SEMA5B: variants seen among roughly 807,000 people sequenced by gnomAD.
SEMA5B encodes the protein semaphorin 5B.
Under a neutral mutation model 135.0 loss-of-function variants are expected in SEMA5B, and 66 were observed. The observed-to-expected ratio is 0.49, with a 90% confidence interval of 0.40 to 0.60. The LOEUF (loss-of-function observed/expected upper bound fraction) is 0.60. Ranked by LOEUF, SEMA5B falls within the 20% of genes least tolerant of loss-of-function variation. The pLI is 0.00. For missense variants in SEMA5B, 1,501 were observed against 1,566.3 expected (o/e 0.96, Z 0.70); for synonymous variants, 690 against 639.5 (o/e 1.08, Z -1.19).
intron 12 of SEMA5B, among the ~76,000 whole-genome samples, chr3:122,921,411 C>T (rs1413672342): frequency 6.6e-6 from 1 of 152,156 alleles, no homozygotes; most frequent in Non-Finnish European, 1.5e-5. Context: ...CTCCACGTGG[C>T]GCCTCACCTC....
chr3:122,927,832 G>T lies in SEMA5B; in HGVS notation c.808C>A (p.Pro270Thr). 1 of 1,560,814 alleles carries T rather than the reference G, an allele frequency of 6.4e-7. No homozygotes were observed. The highest frequency in any genetic ancestry group is 1.7e-4 in the Middle Eastern group (1 of 5,872). ...PAIYRSLGSG[P>T]PLRTAQYNSK... ...TTATATTGGGCAGTGCGAAGCGGTGGCCCACTGCCCAGGCTGCGGTAGATG... is the reference window on the plus strand; with the variant it reads ...TTATATTGGGCAGTGCGAAGCGGTGTCCCACTGCCCAGGCTGCGGTAGATG... Residue 270 changes from proline (P) to threonine (T), a missense_variant, in exon 8 of 23, where the codon CCA becomes ACA. Around this residue, in one of 2 missense-constraint regions of SEMA5B, gnomAD observed 574 missense variants for 684.7 expected, o/e 0.84. Coordinates refer to ENST00000357599, the MANE Select transcript of SEMA5B (RefSeq NM_001031702.4).
chr3:122,954,927 G>A (rs1940216216), intron 2 of SEMA5B, among the ~76,000 whole-genome samples: 1 of 151,424 alleles, frequency 6.6e-6, no homozygotes, highest in Admixed American at 6.6e-5. Context: ...AGAGTAGCTG[G>A]GACTACAGGC....
chr3:122,977,154 TGAG>T (rs564590264), intron 1 of SEMA5B, among the ~76,000 whole-genome samples: 1 of 151,972 alleles, frequency 6.6e-6, no homozygotes, highest in Non-Finnish European at 1.5e-5. Flanking sequence ...TGCTATGAAA[TGAG>T]GAGGAGGAGG....
intron 14 of SEMA5B, among the ~76,000 whole-genome samples, chr3:122,914,412 G>T (rs1937952683): frequency 6.6e-6 from 1 of 152,142 alleles, no homozygotes; most frequent in South Asian, 2.1e-4. Context: ...TATTGCACAT[G>T]CTTTGCTCCA....
rs1408107702 is a variant in SEMA5B, at chr3:122,956,365, G to A, written c.124+4775C>T. On this transcript the variant is annotated intron_variant, in intron 2 of 22. Coordinates refer to ENST00000357599, the MANE Select transcript of SEMA5B (RefSeq NM_001031702.4). ...CACGCCCATGCACACGCCCCCTGAG[G>A]CCTCCCCACCTTGTATGGGACTTCT... Among the ~76,000 whole-genome samples the A allele has an allele frequency of 9.9e-5, 15 of 152,170 alleles. 1 individual carries two copies. Among genetic ancestry groups the A allele is most frequent in the Admixed American group, 9.8e-4 (15 of 15,278 alleles).
At chr3:122,994,232 CAG>C (rs1295903235) in intron 1 of SEMA5B, among the ~76,000 whole-genome samples, 1 of 152,062 alleles carries the variant, frequency 6.6e-6, no homozygotes, top group Admixed American at 6.6e-5. Context: ...ACCAGGACTG[CAG>C]AGAGTATAGT....
rs63373262 is a variant in SEMA5B, at chr3:122,918,993, CTTTTTTTTTTT to C, written c.1688+2911_1688+2921del. 2.5e-5 allele frequency among the ~76,000 whole-genome samples: 2 copies of C among 80,362 alleles called. 1 individual carries two copies. The highest frequency in any genetic ancestry group is 5.2e-5 in the Non-Finnish European group (2 of 38,202). The allele number at this position is 80,362 out of a possible 152,430, so 52.7% of individuals were successfully genotyped here. On this transcript the variant is annotated intron_variant, in intron 12 of 22. Transcript: ENST00000357599. ...TCAGACCAATAATATATCACCATGT[CTTTTTTTTTTT>C]TTTTTTTTTTTTTTACTGCAATGTC...
chr3:122,981,940 C>T (rs1428661351), intron 1 of SEMA5B, among the ~76,000 whole-genome samples: 2 of 152,192 alleles, frequency 1.3e-5, no homozygotes, highest in African/African-American at 4.8e-5. Context: ...GCCATGTTAC[C>T]ATGGCAGGTC....
Position 122,973,305 on chromosome 3 carries a change from G to A in SEMA5B, c.-38-12004C>T, listed in dbSNP as rs531622584. Among the ~76,000 whole-genome samples, 18 of 152,320 alleles carry A rather than the reference G, an allele frequency of 1.2e-4. 1 individual carries two copies. Among genetic ancestry groups the A allele is most frequent in the Admixed American group, 1.3e-4 (2 of 15,310 alleles). On this transcript the variant is annotated intron_variant, in intron 1 of 22. Transcript: ENST00000357599. ...TGGCCCTGGGCCTCTAGTGCCCTGAGGAGAGGCAGCCAATGAGCTGCTAAC... is the reference window on the plus strand; with the variant it reads ...TGGCCCTGGGCCTCTAGTGCCCTGAAGAGAGGCAGCCAATGAGCTGCTAAC...
At position 122,961,236 on chromosome 3, in the gene SEMA5B, C is replaced by G; in HGVS notation, c.28G>C (p.Val10Leu). Residue 10 changes from valine (V) to leucine (L), a missense_variant, in exon 2 of 23, where the codon GTT (valine) becomes CTT (leucine). Physicochemically the swap from Val to Leu is conservative, Grantham distance 32. This residue lies in a region of SEMA5B where 574 missense variants were observed against 684.7 expected (regional missense o/e 0.84). Transcript: ENST00000357599. MPCGFSPSPVAHHLVPGPPD... is the reference protein window; with the variant it reads MPCGFSPSPLAHHLVPGPPD... The stretch of plus-strand genomic sequence containing the variant: ...GGCCCAGGGACGAGGTGGTGGGCAA[C>G]AGGAGACGGACTGAAGCCACAGGGC... 1.2e-6 allele frequency: 2 copies of G among 1,614,056 alleles called. No individual in the cohort carries two copies. The highest frequency in any genetic ancestry group is 1.7e-6 in the Non-Finnish European group (2 of 1,179,962).
At chr3:122,950,167 G>T (rs1247235180) in intron 2 of SEMA5B, among the ~76,000 whole-genome samples, 1 of 152,188 alleles carries the variant, frequency 6.6e-6, no homozygotes, top group African/African-American at 2.4e-5. Flanking sequence ...CTTAAAATAT[G>T]AATGACACTT....
chr3:123,014,687 C>T (rs566958970), intron 1 of SEMA5B, among the ~76,000 whole-genome samples: 31 of 152,304 alleles, frequency 2.0e-4, no homozygotes, highest in Non-Finnish European at 3.4e-4. Context: ...ATAGCACATA[C>T]GTTGGCTGAC....
intron 12 of SEMA5B, among the ~76,000 whole-genome samples, chr3:122,918,993 C>CTTTTTTTT (rs63373262): frequency 1.0e-4 from 8 of 80,362 alleles, no homozygotes; most frequent in African/African-American, 3.3e-4. Context: ...ATCACCATGT[C>CTTTTTTTT]TTTTTTTTTT....
chr3:123,017,714 C>T (rs1942593738), intron 1 of SEMA5B, among the ~76,000 whole-genome samples: 1 of 152,228 alleles, frequency 6.6e-6, no homozygotes. Context: ...TCAAGACCAA[C>T]CTGGCCAATA....
chr3:122,910,924 C>T lies in SEMA5B; in HGVS notation c.3213G>A (p.Leu1071=), dbSNP rs766987780. The change falls in exon 22 of 23, where the codon CTG becomes CTA. Residue 1071 remains leucine (L), a synonymous_variant. Coordinates refer to ENST00000357599, the MANE Select transcript of SEMA5B (RefSeq NM_001031702.4). The part of the protein sequence containing the change: ...HCQRQSQEST[L]VHPATPNHLH... Reference sequence around the variant, plus strand: ...AATGGTTGGGGGTGGCAGGATGGACCAGTGTGGACTCCTGGGACTGACGCT... The same window carrying T: ...AATGGTTGGGGGTGGCAGGATGGACTAGTGTGGACTCCTGGGACTGACGCT... The T allele has an allele frequency of 2.9e-5, 47 of 1,613,644 alleles. No homozygotes were observed. Among genetic ancestry groups the T allele is most frequent in the African/African-American group, 4.0e-5 (3 of 74,854 alleles).
chr3:122,921,341 C>G (rs1235940363), intron 12 of SEMA5B, among the ~76,000 whole-genome samples: 1 of 152,210 alleles, frequency 6.6e-6, no homozygotes, highest in Non-Finnish European at 1.5e-5. Context: ...ATCTGTGAGT[C>G]CGCTTGAAGC....
intron 1 of SEMA5B, among the ~76,000 whole-genome samples, chr3:123,009,462 G>T (rs1001563826): frequency 3.3e-5 from 5 of 152,060 alleles, no homozygotes; most frequent in African/African-American, 1.2e-4. Flanking sequence ...CTTGCACATC[G>T]TGCCCACCCA....
At chr3:122,967,598 A>G (rs1022521245) in intron 1 of SEMA5B, among the ~76,000 whole-genome samples, 7 of 152,314 alleles carry the variant, frequency 4.6e-5, no homozygotes, top group African/African-American at 1.7e-4. Flanking sequence ...ATAGGAGCCC[A>G]GCCCCCACAT....
intron 2 of SEMA5B, among the ~76,000 whole-genome samples, chr3:122,960,296 G>A (rs1042911789): frequency 1.3e-5 from 2 of 152,168 alleles, no homozygotes; most frequent in Admixed American, 6.5e-5. Flanking sequence ...GATGGATGGT[G>A]GTGATGCTTA....
Sources: gnomAD v4.1 joint callset for allele counts (sites outside exome capture counted in the v4.1 genomes callset) on GRCh38, gnomAD v4.1.1 for gene constraint, gnomAD v4.1.1 regional missense constraint, MANE v1.5 for transcripts, NCBI Gene and HGNC (gene_info 2026-07-23, HGNC 2026-07-21) for gene names.